The following ESRRG variants were observed in gnomAD, a reference collection of about 807,000 sequenced individuals.
The protein encoded by ESRRG is estrogen-related receptor gamma.
Under a neutral mutation model 44.0 loss-of-function variants are expected in ESRRG, and 13 were observed. The ratio of observed to expected loss-of-function variants is 0.30; its 90% CI spans 0.19 to 0.47. The LOEUF (loss-of-function observed/expected upper bound fraction) is 0.47, where lower values mean the gene tolerates loss of function less well. Ranked by LOEUF, ESRRG falls within the 20% of genes least tolerant of loss-of-function variation. ESRRG has a pLI of 1.00. For synonymous variants in ESRRG, 215 were observed against 214.6 expected, an observed-to-expected ratio of 1.00 and a Z score of -0.02; for missense variants, 395 against 580.6, an observed-to-expected ratio of 0.68 and a Z score of 3.29.
At chr1:216,571,342 C>G (rs911005296) in intron 3 of ESRRG, among the ~76,000 whole-genome samples, 3 of 152,036 alleles carry the variant, frequency 2.0e-5, no homozygotes, top group Non-Finnish European at 2.9e-5. Flanking sequence ...ACTCAGGAGG[C>G]TGAGGTAGGA....
At chr1:216,810,974 A>T (rs2094951605) in intron 2 of ESRRG, among the ~76,000 whole-genome samples, 1 of 151,980 alleles carries the variant, frequency 6.6e-6, no homozygotes, top group South Asian at 2.1e-4. Flanking sequence ...CTAAAATGTA[A>T]CCTGCCTTTA....
At chr1:216,956,659 T>A (rs1393321961) in intron 1 of ESRRG, among the ~76,000 whole-genome samples, 1 of 152,184 alleles carries the variant, frequency 6.6e-6, no homozygotes, top group Non-Finnish European at 1.5e-5. Context: ...TCAAAAAAGA[T>A]TGTCTTGTGG....
intron 2 of ESRRG, among the ~76,000 whole-genome samples, chr1:216,889,815 A>G (rs914472551): frequency 1.3e-5 from 2 of 152,238 alleles, no homozygotes; most frequent in African/African-American, 2.4e-5. Context: ...ATGTGAAGAC[A>G]TTTAAGTATA....
intron 2 of ESRRG, among the ~76,000 whole-genome samples, chr1:216,866,714 G>A (rs1286562945): frequency 6.6e-6 from 1 of 151,960 alleles, no homozygotes; most frequent in Non-Finnish European, 1.5e-5. Flanking sequence ...GGGACTGCAG[G>A]TGCTCACCAC....
intron 3 of ESRRG, among the ~76,000 whole-genome samples, chr1:216,577,863 C>T (rs547194076): frequency 3.3e-5 from 5 of 152,028 alleles, no homozygotes; most frequent in South Asian, 4.1e-4. Flanking sequence ...CTAGATCATA[C>T]GGGCAACCTT....
chr1:216,749,108 C>T (rs1231744932), intron 2 of ESRRG, among the ~76,000 whole-genome samples: 1 of 151,786 alleles, frequency 6.6e-6, no homozygotes, highest in Non-Finnish European at 1.5e-5. Context: ...CCAGCAGCAG[C>T]CTGTTTGCTG....
At chr1:216,869,375 G>A (rs2096225936) in intron 2 of ESRRG, among the ~76,000 whole-genome samples, 1 of 152,116 alleles carries the variant, frequency 6.6e-6, no homozygotes, top group Non-Finnish European at 1.5e-5. Context: ...ATATTTATGT[G>A]AGTTTATTTC....
At chr1:216,583,398 A>G (rs2063171707) in intron 3 of ESRRG, among the ~76,000 whole-genome samples, 1 of 152,192 alleles carries the variant, frequency 6.6e-6, no homozygotes, top group African/African-American at 2.4e-5. Context: ...CTCTCAATGT[A>G]TGTATTTCAA....
intron 2 of ESRRG, among the ~76,000 whole-genome samples, chr1:216,904,823 A>T (rs944423240): frequency 2.0e-5 from 3 of 152,158 alleles, no homozygotes; most frequent in African/African-American, 7.2e-5. Context: ...GGGTTCGAAG[A>T]GGTTGCTGGG....
At chr1:216,642,510 G>A (rs1443417865) in intron 3 of ESRRG, among the ~76,000 whole-genome samples, 3 of 152,102 alleles carry the variant, frequency 2.0e-5, no homozygotes, top group African/African-American at 7.2e-5. Context: ...GAAGCTCACA[G>A]AGAAGGTGCT....
intron 6 of ESRRG, among the ~76,000 whole-genome samples, chr1:216,517,605 G>A (rs2044731695): frequency 6.6e-6 from 1 of 152,070 alleles, no homozygotes; most frequent in Non-Finnish European, 1.5e-5. Context: ...TTTCATGATT[G>A]CCAAATAAAA....
intron 2 of ESRRG, among the ~76,000 whole-genome samples, chr1:216,772,160 T>C (rs1385986477): frequency 2.0e-5 from 3 of 152,104 alleles, no homozygotes; most frequent in Non-Finnish European, 4.4e-5. Flanking sequence ...CCCATCTAAA[T>C]GCATTCACAT....
chr1:216,829,137 C>A (rs1383233405), intron 2 of ESRRG, among the ~76,000 whole-genome samples: 1 of 152,178 alleles, frequency 6.6e-6, no homozygotes, highest in African/African-American at 2.4e-5. Context: ...AATCAATTTA[C>A]AGCCAACAGC....
intron 2 of ESRRG, among the ~76,000 whole-genome samples, chr1:216,813,144 G>C (rs796995967): frequency 1.3e-5 from 2 of 152,092 alleles, no homozygotes; most frequent in Non-Finnish European, 2.9e-5. Context: ...TCATGTTCTG[G>C]AAATGCTAGA....
intron 1 of ESRRG, among the ~76,000 whole-genome samples, chr1:216,988,678 T>C (rs2075242633): frequency 6.6e-6 from 1 of 152,198 alleles, no homozygotes; most frequent in Admixed American, 6.5e-5. Context: ...TATTTGTATA[T>C]TTCCCTGGCT....
At position 216,769,227 on chromosome 1, in the gene ESRRG, A is replaced by C. The variant is rs530308883; in HGVS notation, c.-13-91736T>G. ...GTTTGATTAATGTCCCAAAATAAGA[A>C]TGAACAGTATAATTGCATTTCAGAT... On this transcript the variant is annotated intron_variant, in intron 2 of 7. Transcript: ENST00000359162. Among the ~76,000 whole-genome samples, 9 of 152,234 alleles carry C rather than the reference A, an allele frequency of 5.9e-5. No individual in the cohort carries two copies. In the South Asian group the frequency reaches 1.9e-3, roughly 32 times the overall value.
rs11572647 is a variant in ESRRG at position 216,756,276 on chromosome 1, C to T, written c.-13-78785G>A. ...ATATATAAATATTAGGGTTTTTTCT[C>T]TTCTTTTTGTATTCTAGGATATCAG... On this transcript the variant is annotated intron_variant, in intron 2 of 7. Transcript: ENST00000359162. 2.8e-3 allele frequency among the ~76,000 whole-genome samples: 419 copies of T among 151,944 alleles called. 1 individual carries two copies. Among genetic ancestry groups the T allele is most frequent in the Non-Finnish European group, 4.6e-3 (315 of 67,916 alleles).
chr1:216,649,588 T>C (rs2068453789), intron 3 of ESRRG, among the ~76,000 whole-genome samples: 1 of 151,982 alleles, frequency 6.6e-6, no homozygotes, highest in Admixed American at 6.6e-5. Context: ...TGTTCTTATA[T>C]ATATATTTAC....
intron 2 of ESRRG, among the ~76,000 whole-genome samples, chr1:216,786,059 C>T (rs76913324): frequency 0.018 from 2,665 of 152,158 alleles, 87 homozygotes; most frequent in African/African-American, 0.059. Context: ...TAAAGGTCAG[C>T]CACCAGGGAA....
Sources: gnomAD v4.1 joint callset for allele counts (sites outside exome capture counted in the v4.1 genomes callset) on GRCh38, gnomAD v4.1.1 for gene constraint, MANE v1.5 for transcripts, NCBI Gene and HGNC (gene_info 2026-07-23, HGNC 2026-07-21) for gene names.